SUPT3H: variants seen among roughly 807,000 people sequenced by gnomAD.
SUPT3H encodes the protein SPT3 homolog, SAGA and STAGA complex component.
SUPT3H carries 44 observed loss-of-function variants against 44.3 expected under a neutral mutation model. That is an observed-to-expected ratio of 0.99 (90% CI 0.78 to 1.28). The LOEUF is 1.28. SUPT3H is among the 50% of genes most tolerant of loss of function. The pLI, the probability that SUPT3H is intolerant of heterozygous loss-of-function variation, is 0.00. For missense variants in SUPT3H, 380 were observed against 387.1 expected (o/e 0.98, Z 0.15); for synonymous variants, 124 against 125.6 (o/e 0.99, Z 0.09).
chr6:45,282,770 A>G (rs1778402598), intron 2 of SUPT3H, among the ~76,000 whole-genome samples: 1 of 152,208 alleles, frequency 6.6e-6, no homozygotes, highest in Admixed American at 6.5e-5. Context: ...AGCAACTCCA[A>G]GACACATAAT....
chr6:44,816,418 AAATAGATAACCTTATATCT>A (rs934025751), intron 11 of SUPT3H, among the ~76,000 whole-genome samples: 25 of 152,242 alleles, frequency 1.6e-4, no homozygotes, highest in African/African-American at 5.5e-4. Flanking sequence ...TCTCAAGAAG[AAATAGATAACCTTATATCT>A]AATAGATAAC....
chr6:45,216,948 C>T (rs1562713823), intron 2 of SUPT3H, among the ~76,000 whole-genome samples: 1 of 152,096 alleles, frequency 6.6e-6, no homozygotes, highest in East Asian at 1.9e-4. Flanking sequence ...TTTGATCTCA[C>T]AGAAGTAGGG....
intron 2 of SUPT3H, among the ~76,000 whole-genome samples, chr6:45,296,786 T>C (rs953189885): frequency 4.2e-5 from 6 of 141,688 alleles, no homozygotes; most frequent in Admixed American, 2.2e-4. Context: ...GTGCAGCGTA[T>C]TCTGCTCAGG....
At chr6:45,112,321 T>C (rs16873150) in intron 2 of SUPT3H, among the ~76,000 whole-genome samples, 18,035 of 151,630 alleles carry the variant, frequency 0.12, 1,251 homozygotes, top group African/African-American at 0.19. Context: ...TAAAAATAAT[T>C]AGAGGAAGGA....
intron 2 of SUPT3H, among the ~76,000 whole-genome samples, chr6:45,227,050 G>A (rs1055217743): frequency 1.3e-5 from 2 of 149,984 alleles, no homozygotes; most frequent in Admixed American, 1.3e-4. Flanking sequence ...GTAGAGAAAA[G>A]GTTTTGCTAT....
At position 44,846,630 on chromosome 6, in the gene SUPT3H, ATT is replaced by A. The variant is rs371582941; in HGVS notation, c.913-16775_913-16774del. On this transcript the variant is annotated intron_variant, in intron 10 of 10. Coordinates refer to ENST00000371459, the MANE Select transcript of SUPT3H (RefSeq NM_003599.4). ...GAACATTTTTGTCTTTCCCAATTGA[ATT>A]TTTTTTTTTTTCTTTTTGAGACAGA... 2.0e-5 allele frequency among the ~76,000 whole-genome samples: 3 copies of A among 146,654 alleles called. No homozygotes were observed. The East Asian group carries it at 6.0e-4, about 29-fold the overall frequency.
At chr6:45,032,939 C>G (rs1206257197) in intron 3 of SUPT3H, among the ~76,000 whole-genome samples, 1 of 152,128 alleles carries the variant, frequency 6.6e-6, no homozygotes, top group Non-Finnish European at 1.5e-5. Context: ...TCTGAAGACT[C>G]TGAGTTGTAG....
At chr6:45,121,528 G>C (rs975257008) in intron 2 of SUPT3H, among the ~76,000 whole-genome samples, 1 of 151,706 alleles carries the variant, frequency 6.6e-6, no homozygotes, top group Non-Finnish European at 1.5e-5. Context: ...TGGGGGGGGG[G>C]GTGGATTATC....
intron 10 of SUPT3H, among the ~76,000 whole-genome samples, chr6:44,834,263 A>C (rs1280215061): frequency 1.3e-5 from 2 of 152,196 alleles, no homozygotes. Context: ...TTATGGAGTA[A>C]ATAAATATTT....
chr6:44,832,722 T>G (rs1245653469), intron 10 of SUPT3H, among the ~76,000 whole-genome samples: 1 of 152,150 alleles, frequency 6.6e-6, no homozygotes, highest in Admixed American at 6.5e-5. Context: ...ACCCAATTTT[T>G]GACATTCATT....
rs568725306 is a variant in SUPT3H at position 45,356,388 on chromosome 6, A to G, written c.101+8813T>C. On this transcript the variant is annotated intron_variant, in intron 2 of 10. Transcript: ENST00000371459. ...TCTTAAAACACATTGGAATATATCA[A>G]TTCTCATTTCTTTTTTTTTCTTTTT... Among the ~76,000 whole-genome samples the G allele has an allele frequency of 6.6e-5, 10 of 152,020 alleles. No homozygotes were observed. In the South Asian group the frequency reaches 2.1e-3, roughly 32 times the overall value.
intron 2 of SUPT3H, among the ~76,000 whole-genome samples, chr6:45,173,487 C>T (rs1165242152): frequency 6.6e-6 from 1 of 152,204 alleles, no homozygotes; most frequent in African/African-American, 2.4e-5. Flanking sequence ...TCACACACTA[C>T]AGGAGCAGGA....
intron 2 of SUPT3H, among the ~76,000 whole-genome samples, chr6:45,133,474 G>T (rs1803798064): frequency 6.6e-6 from 1 of 152,020 alleles, no homozygotes; most frequent in Non-Finnish European, 1.5e-5. Context: ...TAGTTAAAAT[G>T]CTAAGATTGA....
intron 7 of SUPT3H, among the ~76,000 whole-genome samples, chr6:44,958,616 T>C (rs182875717): frequency 2.0e-5 from 3 of 152,266 alleles, no homozygotes; most frequent in Admixed American, 2.0e-4. Context: ...ATTCTCTTAG[T>C]TTCTTCCACA....
chr6:45,237,693 C>A (rs1769449297), intron 2 of SUPT3H, among the ~76,000 whole-genome samples: 1 of 152,150 alleles, frequency 6.6e-6, no homozygotes, highest in Non-Finnish European at 1.5e-5. Context: ...TTGGATAGAA[C>A]AATGGCTGCT....
chr6:45,268,192 T>A (rs930445158), intron 2 of SUPT3H, among the ~76,000 whole-genome samples: 2 of 152,212 alleles, frequency 1.3e-5, no homozygotes, highest in Non-Finnish European at 2.9e-5. Flanking sequence ...GTCCTGCTGC[T>A]ATGACATGAC....
In SUPT3H at chr6:45,082,258, G is replaced by T. The variant is rs112826330; in HGVS notation, c.186+23664C>A. ...TCTACTGAAACTATTCCAAAAAAAT[G>T]AGGAAGAGGGACTCCTCCCTAACTC... On this transcript the variant is annotated intron_variant, in intron 3 of 10. Coordinates refer to ENST00000371459, the MANE Select transcript of SUPT3H (RefSeq NM_003599.4). Among the ~76,000 whole-genome samples the T allele has an allele frequency of 9.0e-3, 1,373 of 152,128 alleles. 14 individuals are homozygous for T. The highest frequency in any genetic ancestry group is 0.028 in the South Asian group (135 of 4,820).
intron 10 of SUPT3H, among the ~76,000 whole-genome samples, chr6:44,859,181 T>C (rs1173241108): frequency 1.3e-5 from 2 of 152,212 alleles, no homozygotes; most frequent in Non-Finnish European, 2.9e-5. Context: ...GTTTTATTTG[T>C]TTCACTCCAG....
chr6:44,978,151 A>G (rs1424129110), intron 6 of SUPT3H, among the ~76,000 whole-genome samples: 1 of 152,214 alleles, frequency 6.6e-6, no homozygotes, highest in Non-Finnish European at 1.5e-5. Context: ...AGGGAAGATT[A>G]TTTCTAAAGT....
Sources: allele counts gnomAD v4.1 joint callset (sites outside exome capture counted in the v4.1 genomes callset), GRCh38; gene constraint gnomAD v4.1.1; transcripts MANE v1.5; gene names NCBI Gene and HGNC (gene_info 2026-07-23, HGNC 2026-07-21).